MICAL3: variants seen among roughly 807,000 people sequenced by gnomAD.
The protein encoded by MICAL3 is microtubule associated monooxygenase, calponin and LIM domain containing 3.
Under a neutral mutation model 207.4 loss-of-function variants are expected in MICAL3, and 62 were observed. That is an observed-to-expected ratio of 0.30 (90% CI 0.24 to 0.37). MICAL3 has a LOEUF of 0.37. Ranked by LOEUF, MICAL3 falls within the 10% of genes least tolerant of loss-of-function variation. The pLI, the probability that MICAL3 is intolerant of heterozygous loss-of-function variation, is 1.00. For missense variants in MICAL3, 2,368 were observed against 2,635.6 expected (o/e 0.90, Z 2.22); for synonymous variants, 1,077 against 1,069.3 (o/e 1.01, Z -0.14).
rs555800332 is a variant in MICAL3, at chr22:17,818,990, C to G, written c.3671G>C (p.Arg1224Pro). 3 of 1,608,672 alleles carry G rather than the reference C, an allele frequency of 1.9e-6. No individual in the cohort carries two copies. Among genetic ancestry groups the G allele is most frequent in the African/African-American group, 2.7e-5 (2 of 74,740 alleles). ...SDLKAVHSPI[R>P]SQPVTLPEAR... ...TTCTGGCAGGGTCACTGGCTGTGAT[C>G]GGATGGGAGAGTGCACAGCTTTCAG... Residue 1224 changes from arginine to proline, a missense_variant, in exon 26 of 32, where the codon CGA (arginine) becomes CCA (proline). Arg to Pro is a moderately radical substitution (Grantham distance 103, BLOSUM62 -2). Coordinates refer to ENST00000441493, the MANE Select transcript of MICAL3 (RefSeq NM_015241.3).
chr22:17,817,129 A>T (rs959042247), intron 26 of MICAL3, among the ~76,000 whole-genome samples, 182 bp downstream of exon 26: 3 of 152,144 alleles, frequency 2.0e-5, no homozygotes, highest in African/African-American at 7.2e-5. Context: ...GGCTTTGAGA[A>T]TTCTGTTACT....
intron 1 of MICAL3, among the ~76,000 whole-genome samples, chr22:17,980,016 A>G (rs572409072): frequency 1.3e-5 from 2 of 152,184 alleles, no homozygotes; most frequent in East Asian, 3.9e-4. Flanking sequence ...TTGTATAGAA[A>G]AGGGGTCTCA....
rs181985034 is a variant in MICAL3, at chr22:17,819,766, C to T, written c.3532-637G>A. On this transcript the variant is annotated intron_variant, in intron 25 of 31. Transcript: ENST00000441493. ...CATCCTGGCTAACATGGTGAAATCCCGTCTCTACTAAAAATACAAAAACAA... is the reference window on the plus strand; with the variant it reads ...CATCCTGGCTAACATGGTGAAATCCTGTCTCTACTAAAAATACAAAAACAA... Among the ~76,000 whole-genome samples the T allele has an allele frequency of 2.0e-3, 302 of 151,382 alleles. 1 individual carries two copies. Among genetic ancestry groups the T allele is most frequent in the African/African-American group, 7.2e-3 (296 of 41,204 alleles).
intron 26 of MICAL3, 75 bp from the exon 27 acceptor site, chr22:17,816,859 T>C (rs1172070011): frequency 8.9e-6 from 10 of 1,121,642 alleles, no homozygotes; most frequent in African/African-American, 3.1e-5. Context: ...TATGCTCCCA[T>C]GTGCAGCCAA....
At chr22:17,872,112 C>G (rs2146167392) in intron 16 of MICAL3, 89 bp from the exon 17 acceptor site, 1 of 1,121,786 alleles carries the variant, frequency 8.9e-7, no homozygotes, top group East Asian at 2.6e-5. Flanking sequence ...GAGAGCAAAG[C>G]CAACCCTCAC....
chr22:17,990,053 G>T (rs1433312245), intron 1 of MICAL3, among the ~76,000 whole-genome samples: 19 of 152,032 alleles, frequency 1.2e-4, no homozygotes, highest in Non-Finnish European at 2.4e-4. Context: ...TGGAAAAAGG[G>T]ACCAACGGAT....
At chr22:17,940,148 A>G (rs758739013) in intron 1 of MICAL3, among the ~76,000 whole-genome samples, 9 of 152,324 alleles carry the variant, frequency 5.9e-5, no homozygotes, top group Admixed American at 2.0e-4. Flanking sequence ...TGTATCAATC[A>G]ATTGTCATTT....
At chr22:18,015,574 G>A (rs1176658571) in intron 1 of MICAL3, among the ~76,000 whole-genome samples, 4 of 151,626 alleles carry the variant, frequency 2.6e-5, no homozygotes, top group East Asian at 1.9e-4. Flanking sequence ...CAGCACACTC[G>A]GCTAATTTTT....
At chr22:17,922,187 T>C (rs1343846113) in intron 1 of MICAL3, among the ~76,000 whole-genome samples, 4 of 150,346 alleles carry the variant, frequency 2.7e-5, no homozygotes, top group Non-Finnish European at 5.9e-5. Flanking sequence ...TCACTTGCTC[T>C]GGAATTAAGT....
chr22:17,793,416 A>G lies in MICAL3; in HGVS notation c.5651-2115T>C, dbSNP rs1387642725. On this transcript the variant is annotated intron_variant, in intron 29 of 31. Coordinates refer to ENST00000441493, the MANE Select transcript of MICAL3 (RefSeq NM_015241.3). This position sits in a 1 kb window ranked among gnomAD's most constrained non-coding sequence, Gnocchi z 4.1. ...CGCAGGCGGGAGGCTCCTCACCTGC[A>G]TGCCTGCCCCTCTATCTGATGGATC... 6.6e-6 allele frequency among the ~76,000 whole-genome samples: 1 copy of G among 152,140 alleles called. No individual in the cohort carries two copies. Among genetic ancestry groups the G allele is most frequent in the Non-Finnish European group, 1.5e-5 (1 of 68,010 alleles).
At chr22:18,023,186 TAA>T (rs5844347) in intron 1 of MICAL3, among the ~76,000 whole-genome samples, 4,125 of 149,916 alleles carry the variant, frequency 0.028, 140 homozygotes, top group East Asian at 0.18. Context: ...CCTGGGAAGT[TAA>T]AAAAAAAAAA....
intron 17 of MICAL3, among the ~76,000 whole-genome samples, chr22:17,868,753 T>G (rs1010121957): frequency 7.2e-5 from 11 of 152,102 alleles, no homozygotes; most frequent in Non-Finnish European, 1.5e-4. Flanking sequence ...CAAGGTCAAG[T>G]GGGCCGTTCA....
chr22:18,012,530 G>A (rs1320050888), intron 1 of MICAL3, among the ~76,000 whole-genome samples: 2 of 152,210 alleles, frequency 1.3e-5, no homozygotes, highest in Admixed American at 6.5e-5. Context: ...CTTCACGGGT[G>A]CATTGCCCAT....
chr22:17,928,187 C>T (rs1276367757), intron 1 of MICAL3, among the ~76,000 whole-genome samples: 1 of 152,146 alleles, frequency 6.6e-6, no homozygotes, highest in Non-Finnish European at 1.5e-5. Context: ...TGCCTGTAAT[C>T]CCAGCACTTT....
At chr22:18,014,706 G>A (rs1314189549) in intron 1 of MICAL3, among the ~76,000 whole-genome samples, 1 of 152,186 alleles carries the variant, frequency 6.6e-6, no homozygotes, top group Non-Finnish European at 1.5e-5. Flanking sequence ...TAAAGAGAAA[G>A]TGTTAGGCCA....
At chr22:17,892,993 C>T (rs996567312) in intron 11 of MICAL3, among the ~76,000 whole-genome samples, 7 of 152,166 alleles carry the variant, frequency 4.6e-5, no homozygotes, top group Admixed American at 2.0e-4. Context: ...ACCACAGGCC[C>T]GGCACTCATG....
intron 1 of MICAL3, among the ~76,000 whole-genome samples, chr22:17,947,657 C>CA (rs1309317258): frequency 6.6e-6 from 1 of 152,170 alleles, no homozygotes; most frequent in Non-Finnish European, 1.5e-5. Context: ...CTTCTGAGCT[C>CA]AAGTGATCCT....
At chr22:17,853,855 G>C (rs1925604455) in intron 19 of MICAL3, among the ~76,000 whole-genome samples, 1 of 152,222 alleles carries the variant, frequency 6.6e-6, no homozygotes, top group Non-Finnish European at 1.5e-5. Context: ...TTGCAGGTCT[G>C]CCTTCTAAAA....
intron 1 of MICAL3, among the ~76,000 whole-genome samples, chr22:17,963,078 A>G (rs1934986007): frequency 1.3e-5 from 2 of 152,122 alleles, no homozygotes; most frequent in Non-Finnish European, 2.9e-5. Context: ...ATTCCAATCA[A>G]TAATTTAACT....
Sources: allele counts gnomAD v4.1 joint callset (sites outside exome capture counted in the v4.1 genomes callset), GRCh38; gene constraint gnomAD v4.1.1; non-coding constraint Gnocchi (gnomAD v3.1); transcripts MANE v1.5; gene names NCBI Gene and HGNC (gene_info 2026-07-23, HGNC 2026-07-21).